Variants in SLC18B1 observed in about 807,000 individuals in gnomAD.
SLC18B1 encodes solute carrier family 18 member B1, also known as MFS-type transporter SLC18B1.
A neutral mutation model predicts 53.9 loss-of-function variants in SLC18B1; 62 were observed. The observed-to-expected ratio is 1.15, with a 90% CI of 0.94 to 1.42. SLC18B1 has a LOEUF of 1.42. Among genes scored for constraint, SLC18B1 ranks in the 40% most tolerant of loss-of-function variants. The pLI, the probability that SLC18B1 is intolerant of heterozygous loss-of-function variation, is 0.00. For synonymous variants in SLC18B1, 217 were observed against 200.9 expected (o/e 1.08, Z -0.68); for missense variants, 598 against 547.3 (o/e 1.09, Z -0.93).
chr6:132,788,925 C>CA (rs11439950), intron 4 of SLC18B1, among the ~76,000 whole-genome samples: 52,344 of 104,582 alleles, frequency 0.5, 11,468 homozygotes, highest in Admixed American at 0.59. Context: ...CTGAAACCTT[C>CA]AAAAAAAAAA....
In SLC18B1 at chr6:132,773,050, C is replaced by A. The variant is rs142841926; in HGVS notation, c.1028G>T (p.Gly343Val). 1 of 1,613,888 alleles carries A rather than the reference C, an allele frequency of 6.2e-7. No individual in the cohort carries two copies. Among genetic ancestry groups the A allele is most frequent in the Admixed American group, 1.7e-5 (1 of 60,008 alleles). Residue 343 changes from glycine to valine, a missense_variant, in exon 10 of 14, where the codon GGC (glycine) becomes GTC (valine). Physicochemically the swap from Gly to Val is moderately radical, Grantham distance 109. Transcript: ENST00000275227. ...WLLVLILVVSGLSAGMSIIPT... is the reference protein window; with the variant it reads ...WLLVLILVVSVLSAGMSIIPT... ...AATTATACTCATTCCAGCAGAGAGGCCACTTACAACTAATATCAGCACCAG... is the reference window on the plus strand; with the variant it reads ...AATTATACTCATTCCAGCAGAGAGGACACTTACAACTAATATCAGCACCAG...
chr6:132,794,893 C>T (rs1382342818), intron 2 of SLC18B1, among the ~76,000 whole-genome samples: 1 of 152,080 alleles, frequency 6.6e-6, no homozygotes, highest in Non-Finnish European at 1.5e-5. Context: ...TGCCCCAGCT[C>T]CTCAGGGGGC....
chr6:132,791,376 CCTTT>C (rs780884669), intron 2 of SLC18B1, among the ~76,000 whole-genome samples: 3 of 152,182 alleles, frequency 2.0e-5, no homozygotes, highest in Admixed American at 6.6e-5. Flanking sequence ...ACCATGATTG[CCTTT>C]CTTTATCTTT....
In SLC18B1 at chr6:132,773,071, A is replaced by G. The variant is rs1415045216; in HGVS notation, c.1007T>C (p.Val336Ala). Residue 336 changes from valine to alanine, a missense_variant, in exon 10 of 14, where the codon GTG becomes GCG. By Grantham distance (64) the Val-to-Ala change is moderately conservative. Transcript: ENST00000275227. ...GAGGCCACTTACAACTAATATCAGCACCAGCAGCCAGAGCTGACTGCAAAA... is the reference window on the plus strand; with the variant it reads ...GAGGCCACTTACAACTAATATCAGCGCCAGCAGCCAGAGCTGACTGCAAAA... ...LHIKSQLWLL[V>A]LILVVSGLSA... 1 of 1,613,690 alleles carries G rather than the reference A, an allele frequency of 6.2e-7. No individual in the cohort carries two copies. The highest frequency in any genetic ancestry group is 8.5e-7 in the Non-Finnish European group (1 of 1,179,628).
In SLC18B1 at chr6:132,769,787, G is replaced by A. The variant is rs1233771254; in HGVS notation, c.*483C>T. The A allele has an allele frequency of 6.6e-6, 1 of 152,328 alleles. No homozygotes were observed. Among genetic ancestry groups the A allele is most frequent in the Non-Finnish European group, 1.5e-5 (1 of 68,176 alleles). The allele number at this position is 152,328 out of a possible 1,614,324, so 9.4% of individuals were successfully genotyped here. A position where few individuals can be genotyped will look rare whatever the true frequency, so the allele number is the denominator to read the frequency against. Reference sequence around the variant, plus strand: ...CGAAAAACCTCAGGACAAAGAGAAAGTATATCTTTTAAAAACTGATTTCAT... The same window carrying A: ...CGAAAAACCTCAGGACAAAGAGAAAATATATCTTTTAAAAACTGATTTCAT... On this transcript the variant is annotated 3_prime_UTR_variant, in exon 14 of 14. Transcript: ENST00000275227.
chr6:132,770,223 C>CA lies in SLC18B1; in HGVS notation c.*46dup. On this transcript the variant is annotated 3_prime_UTR_variant, in exon 14 of 14. Transcript: ENST00000275227. ...CCCTTCCTACGGTGATGTTTAAGGC[C>CA]AGGAGCATTCATTTCTCAACCTTGT... The CA allele has an allele frequency of 3.3e-6, 5 of 1,506,350 alleles. No individual in the cohort carries two copies. Among genetic ancestry groups the CA allele is most frequent in the Non-Finnish European group, 4.6e-6 (5 of 1,084,490 alleles). 93.3% of individuals were successfully genotyped at this position (1,506,350 alleles called of 1,614,324 possible). A position where few individuals can be genotyped will look rare whatever the true frequency, so the allele number is the denominator to read the frequency against.
rs1442639286 is a variant in SLC18B1 at position 132,796,202 on chromosome 6, A to C, written c.183+780T>G. Among the ~76,000 whole-genome samples the C allele has an allele frequency of 2.6e-5, 4 of 151,782 alleles. No homozygotes were observed. In the South Asian group the frequency reaches 6.3e-4, roughly 24 times the overall value. Reference sequence around the variant, plus strand: ...TCTCTACTAAAACAATACAAAAAAAAAAATTAGCTGGGCGTAGTGGCGGGT... The same window carrying C: ...TCTCTACTAAAACAATACAAAAAAACAAATTAGCTGGGCGTAGTGGCGGGT... On this transcript the variant is annotated intron_variant, in intron 2 of 13. Transcript: ENST00000275227.
chr6:132,783,483 T>C (rs1285932520), intron 6 of SLC18B1, among the ~76,000 whole-genome samples: 2 of 152,202 alleles, frequency 1.3e-5, no homozygotes, highest in African/African-American at 2.4e-5. Flanking sequence ...GCCCAGTTTA[T>C]AATTTTTTAA....
chr6:132,787,438 A>G lies in SLC18B1; in HGVS notation c.497T>C (p.Val166Ala), dbSNP rs564776166. ...AAATACTTCTAAAATACATACCAATACCGTAGCCACGTTATTTGGAAAAGC... is the reference window on the plus strand; with the variant it reads ...AAATACTTCTAAAATACATACCAATGCCGTAGCCACGTTATTTGGAAAAGC... The part of the protein sequence containing the change: ...AKAFPNNVAT[V>A]LGSLETFSGL... Residue 166 changes from valine to alanine, a missense_variant, in exon 5 of 14, where the codon GTA becomes GCA. Transcript: ENST00000275227. 3 of 1,593,846 alleles carry G rather than the reference A, an allele frequency of 1.9e-6. No homozygotes were observed. In the Admixed American group the frequency reaches 5.5e-5, roughly 29 times the overall value.
At chr6:132,776,087 T>C (rs1781092084) in intron 8 of SLC18B1, among the ~76,000 whole-genome samples, 2 of 152,144 alleles carry the variant, frequency 1.3e-5, no homozygotes, top group African/African-American at 4.8e-5. Flanking sequence ...GAAAGTCTAA[T>C]CCAATTTATT....
At chr6:132,770,357 G>C in intron 13 of SLC18B1, 21 bp from the exon 14 acceptor site, 3 of 1,584,862 alleles carry the variant, frequency 1.9e-6, no homozygotes, top group Non-Finnish European at 8.7e-7. Flanking sequence ...GGAAAGAAGA[G>C]ATGAATCTCA....
intron 11 of SLC18B1, among the ~76,000 whole-genome samples, chr6:132,771,362 C>CT (rs2114657842): frequency 6.6e-6 from 1 of 151,938 alleles, no homozygotes; most frequent in African/African-American, 2.4e-5. Context: ...AAGTTGATGG[C>CT]TTATATAAAA....
At chr6:132,783,129 TA>T in intron 6 of SLC18B1, among the ~76,000 whole-genome samples, 1 of 151,988 alleles carries the variant, frequency 6.6e-6, no homozygotes, top group East Asian at 1.9e-4. Flanking sequence ...AATCTACATT[TA>T]CAGCCTTAAT....
chr6:132,786,555 C>CAAAAA (rs56886747), intron 5 of SLC18B1, among the ~76,000 whole-genome samples: 1 of 78,620 alleles, frequency 1.3e-5, no homozygotes, highest in Admixed American at 1.5e-4. Flanking sequence ...TCCCCCACTC[C>CAAAAA]AAAAAAAAAA....
Position 132,770,138 on chromosome 6 carries a change from T to C in SLC18B1, c.*132A>G, listed in dbSNP as rs951295749. On this transcript the variant is annotated 3_prime_UTR_variant, in exon 14 of 14. Transcript: ENST00000275227. Reference sequence around the variant, plus strand: ...CAATACAGGATCATCCAAAAACACGTTGACACTTCCAAGACACTGGCACGG... The same window carrying C: ...CAATACAGGATCATCCAAAAACACGCTGACACTTCCAAGACACTGGCACGG... 1.3e-5 allele frequency: 9 copies of C among 700,524 alleles called. No individual in the cohort carries two copies. In the Admixed American group the frequency reaches 2.2e-4, roughly 17 times the overall value. 43.4% of individuals were successfully genotyped at this position (700,524 alleles called of 1,614,324 possible). A position where few individuals can be genotyped will look rare whatever the true frequency, so the allele number is the denominator to read the frequency against.
At chr6:132,780,025 G>A (rs1022721823) in intron 6 of SLC18B1, among the ~76,000 whole-genome samples, 3 of 152,062 alleles carry the variant, frequency 2.0e-5, no homozygotes, top group Admixed American at 6.6e-5. Context: ...CTTGACACAT[G>A]GGGACTATTA....
intron 6 of SLC18B1, among the ~76,000 whole-genome samples, chr6:132,780,403 T>A (rs1327559036): frequency 6.6e-6 from 1 of 152,108 alleles, no homozygotes; most frequent in African/African-American, 2.4e-5. Flanking sequence ...TGGCCCTCAT[T>A]CATCCCCATT....
intron 11 of SLC18B1, 61 bp downstream of exon 11, chr6:132,772,071 G>T (rs1340077175): frequency 2.5e-5 from 29 of 1,164,910 alleles, no homozygotes; most frequent in Non-Finnish European, 3.5e-5. Context: ...CAGCCTGGGT[G>T]ATGAGAGTGA....
chr6:132,774,472 G>T (rs1402861302), intron 8 of SLC18B1, among the ~76,000 whole-genome samples, 159 bp from the exon 9 acceptor site: 1 of 152,184 alleles, frequency 6.6e-6, no homozygotes, highest in Non-Finnish European at 1.5e-5. Flanking sequence ...GTAAGGAGAT[G>T]ATAAACTCGC....
Sources: allele counts gnomAD v4.1 joint callset (sites outside exome capture counted in the v4.1 genomes callset), GRCh38; gene constraint gnomAD v4.1.1; transcripts MANE v1.5; gene names NCBI Gene and HGNC (gene_info 2026-07-23, HGNC 2026-07-21).